Variants in CCDC93 observed in about 807,000 individuals in gnomAD.
CCDC93 encodes the protein coiled-coil domain-containing protein 93.
A neutral mutation model predicts 108.2 loss-of-function variants in CCDC93; 61 were observed. That is an observed-to-expected ratio of 0.56 (90% CI 0.46 to 0.70). The LOEUF is 0.70. CCDC93 is among the 30% of genes least tolerant of loss of function. CCDC93 has a pLI of 0.00. For synonymous variants in CCDC93, 276 were observed against 260.4 expected (o/e 1.06, Z -0.58); for missense variants, 685 against 764.2 (o/e 0.90, Z 1.22).
At chr2:117,928,312 G>A (rs1050295968) in intron 23 of CCDC93, among the ~76,000 whole-genome samples, 1 of 152,074 alleles carries the variant, frequency 6.6e-6, no homozygotes, top group African/African-American at 2.4e-5. Context: ...ACTACCATAG[G>A]AGTGAACAGG....
chr2:117,927,470 T>A (rs943217601), intron 23 of CCDC93, among the ~76,000 whole-genome samples: 5 of 150,970 alleles, frequency 3.3e-5, no homozygotes, highest in African/African-American at 1.2e-4. Flanking sequence ...TATACACCAA[T>A]AACAGACAGA....
intron 5 of CCDC93, among the ~76,000 whole-genome samples, chr2:117,996,047 G>T (rs1376753207): frequency 1.3e-5 from 2 of 152,062 alleles, no homozygotes; most frequent in Non-Finnish European, 2.9e-5. Flanking sequence ...TATTATTCTT[G>T]TAAGTTAATA....
At chr2:117,978,360 AT>A (rs1168698687) in intron 7 of CCDC93, among the ~76,000 whole-genome samples, 2 of 152,248 alleles carry the variant, frequency 1.3e-5, no homozygotes, top group African/African-American at 4.8e-5. Flanking sequence ...AGCCTTAAAA[AT>A]ATCTATATAA....
chr2:117,938,054 A>T (rs1678577244), intron 20 of CCDC93, among the ~76,000 whole-genome samples: 1 of 152,150 alleles, frequency 6.6e-6, no homozygotes, highest in Non-Finnish European at 1.5e-5. Flanking sequence ...CAAAATGAAA[A>T]CACATTCTAT....
Position 117,958,479 on chromosome 2 carries a change from C to T in CCDC93, c.891G>A (p.Gln297=). 3 of 1,577,210 alleles carry T rather than the reference C, an allele frequency of 1.9e-6. No individual in the cohort carries two copies. Among genetic ancestry groups the T allele is most frequent in the South Asian group, 2.2e-5 (2 of 90,324 alleles). ...KQIVSEYAEK[Q]SELSAEESPE... ...GACTTTCTTCAGCTGATAGCTCAGA[C>T]TGCTGTGGAAAAAAGGGATGGCAAA... The change falls in exon 12 of 24, where the codon CAG becomes CAA. Residue 297 remains glutamine (Q), a splice_region_variant and synonymous_variant. Coordinates refer to ENST00000376300, the MANE Select transcript of CCDC93 (RefSeq NM_019044.5).
intron 11 of CCDC93, among the ~76,000 whole-genome samples, chr2:117,967,638 T>C (rs1244344967): frequency 1.3e-5 from 2 of 152,166 alleles, no homozygotes; most frequent in South Asian, 2.1e-4. Flanking sequence ...AGGAGAAAGA[T>C]TGCAAAGTCA....
intron 23 of CCDC93, 93 bp downstream of exon 23, chr2:117,930,944 G>A (rs1211515703): frequency 1.3e-6 from 1 of 772,638 alleles, no homozygotes; most frequent in Non-Finnish European, 2.2e-6. Flanking sequence ...CAGACCAGAG[G>A]AAAACCAAAA....
At chr2:117,984,127 C>A (rs1191916727) in intron 7 of CCDC93, among the ~76,000 whole-genome samples, 1 of 151,970 alleles carries the variant, frequency 6.6e-6, no homozygotes, top group Non-Finnish European at 1.5e-5. Flanking sequence ...TCAGAATGTC[C>A]TAAGTACCCA....
chr2:117,956,096 T>A (rs1679206934), intron 12 of CCDC93, among the ~76,000 whole-genome samples: 1 of 152,198 alleles, frequency 6.6e-6, no homozygotes, highest in Non-Finnish European at 1.5e-5. Context: ...TCTGAGCAAG[T>A]CTCTCCCTTC....
chr2:117,982,760 G>GC (rs1415229058), intron 7 of CCDC93, among the ~76,000 whole-genome samples: 227 of 151,994 alleles, frequency 1.5e-3, no homozygotes, highest in African/African-American at 5.2e-3. Context: ...TGTAGTGGGG[G>GC]GGGGGGTGCG....
chr2:117,924,218 G>C (rs1200233869), intron 23 of CCDC93, among the ~76,000 whole-genome samples: 1 of 152,230 alleles, frequency 6.6e-6, no homozygotes, highest in African/African-American at 2.4e-5. Flanking sequence ...AAAAATCAGA[G>C]TGCCTCTCCT....
intron 22 of CCDC93, chr2:117,934,661 GT>G (rs1414480323): frequency 6.6e-6 from 1 of 152,478 alleles, no homozygotes; most frequent in East Asian, 1.9e-4. Context: ...CTGTAACAGG[GT>G]TTTTTATGAT....
At position 117,916,981 on chromosome 2, in the gene CCDC93, G is replaced by A. The variant is rs1677706236; in HGVS notation, c.*3362C>T. The A allele has an allele frequency of 6.6e-6, 1 of 152,160 alleles. No homozygotes were observed. The highest frequency in any genetic ancestry group is 1.5e-5 in the Non-Finnish European group (1 of 68,028). 9.4% of individuals were successfully genotyped at this position (152,160 alleles called of 1,614,324 possible). On this transcript the variant is annotated 3_prime_UTR_variant, in exon 24 of 24. Coordinates refer to ENST00000376300, the MANE Select transcript of CCDC93 (RefSeq NM_019044.5). ...TTATTGTACTGTTCTGCATTAAGAT[G>A]TTCTTTTACTTTGAGGCCAACACCA...
At chr2:117,930,266 G>A (rs1370061240) in intron 23 of CCDC93, among the ~76,000 whole-genome samples, 1 of 152,198 alleles carries the variant, frequency 6.6e-6, no homozygotes, top group Non-Finnish European at 1.5e-5. Context: ...ATTTTCAGCA[G>A]TCTCTAAACT....
At chr2:117,994,208 CA>C (rs1246198507) in intron 6 of CCDC93, among the ~76,000 whole-genome samples, 65 of 125,372 alleles carry the variant, frequency 5.2e-4, no homozygotes, top group African/African-American at 1.7e-3. Context: ...GGTGAAAAAT[CA>C]ACTTTAATTT....
Position 117,945,553 on chromosome 2 carries a change from G to A in CCDC93, c.1326C>T (p.Thr442=), listed in dbSNP as rs368864669. The A allele has an allele frequency of 1.2e-6, 2 of 1,613,864 alleles. No homozygotes were observed. Among genetic ancestry groups the A allele is most frequent in the African/African-American group, 1.3e-5 (1 of 74,894 alleles). Residue 442 remains threonine (T), a synonymous_variant, in exon 17 of 24, where the codon ACC becomes ACT. Coordinates refer to ENST00000376300, the MANE Select transcript of CCDC93 (RefSeq NM_019044.5). ...KTLSSGEPPG[T]LTSAMTHDED... ...CGTCATGAGTCATTGCAGAGGTCAA[G>A]GTACCAGGCGGCTCTCCACTGGAGA...
At chr2:118,011,973 C>T (rs1198268664) in intron 1 of CCDC93, among the ~76,000 whole-genome samples, 1 of 152,220 alleles carries the variant, frequency 6.6e-6, no homozygotes, top group Non-Finnish European at 1.5e-5. Flanking sequence ...GTTAATACAT[C>T]CAGTTGTTGA....
chr2:117,995,481 T>G lies in CCDC93; in HGVS notation c.484A>C (p.Lys162Gln). 1 of 1,613,682 alleles carries G rather than the reference T, an allele frequency of 6.2e-7. No homozygotes were observed. The highest frequency in any genetic ancestry group is 8.5e-7 in the Non-Finnish European group (1 of 1,179,538). The stretch of plus-strand genomic sequence containing the variant: ...ACAACTGTCTTGATGGCCTTTTCTT[T>G]TCTCTTTATGAAGTCATCATCCTAC... The part of the protein sequence containing the change: ...LPEDDDFIKR[K>Q]EKAIKTVVDL... Residue 162 changes from lysine to glutamine, a missense_variant, in exon 6 of 24, where the codon AAA becomes CAA. Physicochemically the swap from Lys to Gln is moderately conservative, Grantham distance 53 (BLOSUM62 1). Transcript: ENST00000376300.
At chr2:117,973,173 G>A (rs1247033667) in intron 11 of CCDC93, among the ~76,000 whole-genome samples, 1 of 152,178 alleles carries the variant, frequency 6.6e-6, no homozygotes, top group Non-Finnish European at 1.5e-5. Context: ...ATGTCACAGA[G>A]AGTCAGGGCA....
Sources: gnomAD v4.1 joint callset for allele counts (sites outside exome capture counted in the v4.1 genomes callset) on GRCh38, gnomAD v4.1.1 for gene constraint, MANE v1.5 for transcripts, NCBI Gene and HGNC (gene_info 2026-07-23, HGNC 2026-07-21) for gene names.